IGF2BP2: variants seen among roughly 807,000 people sequenced by gnomAD.
IGF2BP2 encodes insulin-like growth factor 2 mRNA-binding protein 2.
Under a neutral mutation model 75.8 loss-of-function variants are expected in IGF2BP2, and 17 were observed. The observed-to-expected ratio is 0.22, with a 90% confidence interval of 0.15 to 0.34. The LOEUF is 0.34. IGF2BP2 is among the 10% of genes least tolerant of loss of function. The probability of loss-of-function intolerance (pLI) is 1.00; values close to 1 mark genes in which losing one functional copy is unlikely to be tolerated. For synonymous variants in IGF2BP2, 288 were observed against 295.6 expected (o/e 0.97, Z 0.26); for missense variants, 516 against 772.4 (o/e 0.67, Z 3.93).
intron 2 of IGF2BP2, among the ~76,000 whole-genome samples, chr3:185,822,818 C>T (rs1741529917): frequency 7.0e-6 from 1 of 143,690 alleles, no homozygotes; most frequent in African/African-American, 2.5e-5. Flanking sequence ...TCTTGACAAG[C>T]ATTTGCTGCT....
At chr3:185,745,896 T>C (rs1008805112) in intron 2 of IGF2BP2, among the ~76,000 whole-genome samples, 5 of 152,054 alleles carry the variant, frequency 3.3e-5, no homozygotes, top group African/African-American at 1.2e-4. Flanking sequence ...AAAAAAGTCC[T>C]AACCTTCCTC....
chr3:185,759,635 G>A (rs1284280396), intron 2 of IGF2BP2, among the ~76,000 whole-genome samples: 3 of 152,182 alleles, frequency 2.0e-5, no homozygotes, highest in Non-Finnish European at 4.4e-5. Flanking sequence ...CACACGGAAG[G>A]CTGAAAAAGC....
At chr3:185,668,506 GAGAT>G (rs1314557346) in intron 10 of IGF2BP2, among the ~76,000 whole-genome samples, 55 of 128,008 alleles carry the variant, frequency 4.3e-4, no homozygotes, top group African/African-American at 1.4e-3. Flanking sequence ...GAGAGAGAGA[GAGAT>G]ATATATATAT....
At chr3:185,761,951 G>A (rs1011408300) in intron 2 of IGF2BP2, among the ~76,000 whole-genome samples, 1 of 152,200 alleles carries the variant, frequency 6.6e-6, no homozygotes, top group African/African-American at 2.4e-5. Flanking sequence ...CAAGGGACAC[G>A]AATTTCCTTT....
chr3:185,729,599 T>C (rs926190348), intron 2 of IGF2BP2: 2 of 152,196 alleles, frequency 1.3e-5, no homozygotes, highest in Admixed American at 6.5e-5. Flanking sequence ...AAATGACTAA[T>C]GTATAATGCT....
chr3:185,761,445 T>A (rs1732355294), intron 2 of IGF2BP2, among the ~76,000 whole-genome samples: 1 of 152,132 alleles, frequency 6.6e-6, no homozygotes, highest in African/African-American at 2.4e-5. Context: ...CTGTGAAGTG[T>A]ACGTGTCAGC....
intron 1 of IGF2BP2, among the ~76,000 whole-genome samples, chr3:185,823,705 G>A (rs951643722): frequency 2.0e-5 from 3 of 151,854 alleles, no homozygotes; most frequent in African/African-American, 4.8e-5. Context: ...CCGCTCCTGG[G>A]TGTCACCTTG....
intron 2 of IGF2BP2, among the ~76,000 whole-genome samples, chr3:185,801,770 A>G (rs1349112482): frequency 6.6e-6 from 1 of 152,270 alleles, no homozygotes; most frequent in East Asian, 1.9e-4. Flanking sequence ...ACCAACCCAA[A>G]TGCCCATCAA....
chr3:185,719,983 T>C (rs1417377082), intron 2 of IGF2BP2, among the ~76,000 whole-genome samples: 1 of 148,100 alleles, frequency 6.8e-6, no homozygotes, highest in Non-Finnish European at 1.5e-5. Flanking sequence ...ACTCAAACTC[T>C]GGTGTGGAAA....
At position 185,750,762 on chromosome 3, in the gene IGF2BP2, G is replaced by GCC. The variant is rs150077516; in HGVS notation, c.240-52417_240-52416dup. Among the ~76,000 whole-genome samples, 519 of 152,244 alleles carry GCC rather than the reference G, an allele frequency of 3.4e-3. 3 individuals carry two copies. The highest frequency in any genetic ancestry group is 0.012 in the African/African-American group (492 of 41,540). On this transcript the variant is annotated intron_variant, in intron 2 of 15. Transcript: ENST00000382199. ...CAGACCCCCCTCATATACTGTCATA[G>GCC]CCCCTTCACCTGTGTACTTTTACTC...
chr3:185,693,637 A>G (rs1264209518), intron 4 of IGF2BP2, among the ~76,000 whole-genome samples: 3 of 152,204 alleles, frequency 2.0e-5, no homozygotes, highest in African/African-American at 4.8e-5. Flanking sequence ...CTATAGTTAG[A>G]AATTAAAAAT....
chr3:185,776,509 A>C (rs962276492), intron 2 of IGF2BP2, among the ~76,000 whole-genome samples: 5 of 152,200 alleles, frequency 3.3e-5, no homozygotes, highest in Non-Finnish European at 5.9e-5. Context: ...ATCTGGGGGA[A>C]AGGATGCTGA....
intron 10 of IGF2BP2, among the ~76,000 whole-genome samples, chr3:185,665,444 AGGAGGAGG>A (rs1717310666): frequency 1.5e-5 from 2 of 130,072 alleles, no homozygotes; most frequent in African/African-American, 5.7e-5. Flanking sequence ...GAGGAGAAGG[AGGAGGAGG>A]AGGAGAAGAA....
intron 7 of IGF2BP2, among the ~76,000 whole-genome samples, chr3:185,679,708 C>T (rs568612728): frequency 3.3e-5 from 5 of 152,244 alleles, no homozygotes; most frequent in African/African-American, 1.2e-4. Flanking sequence ...CCTCCACCTC[C>T]CAGGCTAAAG....
At chr3:185,735,295 G>C (rs991333962) in intron 2 of IGF2BP2, among the ~76,000 whole-genome samples, 1 of 152,006 alleles carries the variant, frequency 6.6e-6, no homozygotes, top group African/African-American at 2.4e-5. Flanking sequence ...ACAGGCATTA[G>C]CCACCACACC....
rs530025553 is a variant in IGF2BP2 at position 185,676,486 on chromosome 3, C to T, written c.813-573G>A. On this transcript the variant is annotated intron_variant, in intron 7 of 15. Transcript: ENST00000382199. Reference sequence around the variant, plus strand: ...AAGCCCGAGAGTTCAAGACCAGCCTCGGCAACATACTGAAACACTGTCCTT... The same window carrying T: ...AAGCCCGAGAGTTCAAGACCAGCCTTGGCAACATACTGAAACACTGTCCTT... 3.3e-5 allele frequency among the ~76,000 whole-genome samples: 5 copies of T among 152,124 alleles called. No homozygotes were observed. The South Asian group carries it at 6.2e-4, about 19-fold the overall frequency.
At chr3:185,767,240 T>C (rs1733208805) in intron 2 of IGF2BP2, among the ~76,000 whole-genome samples, 1 of 152,212 alleles carries the variant, frequency 6.6e-6, no homozygotes, top group Non-Finnish European at 1.5e-5. Flanking sequence ...GATCTATCTA[T>C]ATACCTCAAT....
chr3:185,668,487 CGAGA>C (rs1274930634), intron 10 of IGF2BP2, among the ~76,000 whole-genome samples: 113 of 124,808 alleles, frequency 9.1e-4, no homozygotes, highest in African/African-American at 2.3e-3. Flanking sequence ...TTCATTTGTT[CGAGA>C]GAGAGAGAGA....
intron 2 of IGF2BP2, among the ~76,000 whole-genome samples, chr3:185,786,567 C>T (rs1002285856): frequency 8.5e-5 from 12 of 141,314 alleles, no homozygotes; most frequent in African/African-American, 3.8e-4. Context: ...GAAAAACCCC[C>T]TTTGATTGTA....
Sources: gnomAD v4.1 joint callset for allele counts (sites outside exome capture counted in the v4.1 genomes callset) on GRCh38, gnomAD v4.1.1 for gene constraint, MANE v1.5 for transcripts, NCBI Gene and HGNC (gene_info 2026-07-23, HGNC 2026-07-21) for gene names.